The following ZNF184 variants were observed in gnomAD, a reference collection of about 807,000 sequenced individuals.
ZNF184 encodes the protein zinc finger protein 184 (Kruppel-like).
In ZNF184, 16 loss-of-function variants were observed where a neutral mutation model predicts 54.4. That is an observed-to-expected ratio of 0.29 (90% confidence interval 0.20 to 0.45). The LOEUF is 0.45. Ranked by LOEUF, ZNF184 falls within the 20% of genes least tolerant of loss-of-function variation. The pLI is 1.00. For missense variants in ZNF184, 681 were observed against 888.2 expected, an observed-to-expected ratio of 0.77 and a Z score of 2.97; for synonymous variants, 254 against 295.3, an observed-to-expected ratio of 0.86 and a Z score of 1.43.
At chr6:27,455,024 G>T (rs546618311) in intron 5 of ZNF184, among the ~76,000 whole-genome samples, 7 of 152,128 alleles carry the variant, frequency 4.6e-5, no homozygotes, top group African/African-American at 9.7e-5. Context: ...AGGGAAATTA[G>T]GTAGACTAGG....
At chr6:27,449,633 A>T (rs1762676752), downstream of ZNF184, among the ~76,000 whole-genome samples, 1 of 152,140 alleles carries the variant, frequency 6.6e-6, no homozygotes, top group Admixed American at 6.5e-5. Context: ...ATGCACCTAT[A>T]GTTCCAGCTA....
the ZNF184 span, among the ~76,000 whole-genome samples, chr6:27,426,156 C>T: frequency 6.6e-6 from 1 of 152,236 alleles, no homozygotes; most frequent in African/African-American, 2.4e-5. This position sits in a 1 kb window ranked among gnomAD's most constrained non-coding sequence, Gnocchi z 4.2. Context: ...TGTCATCTGG[C>T]TTATAGCCTT....
In ZNF184 at chr6:27,472,262, G is replaced by C; in HGVS notation, c.7+26C>G. On this transcript the variant is annotated intron_variant, in intron 2 of 5. Transcript: ENST00000683788. This position sits in a 1 kb window ranked among gnomAD's most constrained non-coding sequence, Gnocchi z 4.8. Reference sequence around the variant, plus strand: ...ACTGTTCTCAAGCCTCCATCACCCCGCTCTCCCCCAAGTCGACCCCACTAC... The same window carrying C: ...ACTGTTCTCAAGCCTCCATCACCCCCCTCTCCCCCAAGTCGACCCCACTAC... 3 of 1,613,248 alleles carry C rather than the reference G, an allele frequency of 1.9e-6. No homozygotes were observed. Among genetic ancestry groups the C allele is most frequent in the Non-Finnish European group, 2.5e-6 (3 of 1,179,546 alleles).
the ZNF184 span, among the ~76,000 whole-genome samples, chr6:27,439,474 C>T: frequency 6.6e-6 from 1 of 152,204 alleles, no homozygotes; most frequent in African/African-American, 2.4e-5. Flanking sequence ...TGGACATTGC[C>T]ATGGCTTCAT....
At chr6:27,409,307 GGC>G in the ZNF184 span, among the ~76,000 whole-genome samples, 2 of 151,904 alleles carry the variant, frequency 1.3e-5, no homozygotes, top group East Asian at 3.9e-4. Flanking sequence ...AGACCATCCT[GGC>G]TAACATGGTG....
downstream of ZNF184, among the ~76,000 whole-genome samples, chr6:27,445,990 A>G (rs1762632747): frequency 1.3e-5 from 2 of 152,192 alleles, no homozygotes; most frequent in Non-Finnish European, 2.9e-5. Context: ...ATGAGATGTG[A>G]GAGGAAAGAA....
At chr6:27,432,575 A>G in the ZNF184 span, among the ~76,000 whole-genome samples, 2 of 152,214 alleles carry the variant, frequency 1.3e-5, no homozygotes, top group Non-Finnish European at 2.9e-5. This position sits in a 1 kb window ranked among gnomAD's most constrained non-coding sequence, Gnocchi z 4.0. Context: ...GAGAGGCTGC[A>G]GGGAGAGGGG....
chr6:27,410,174 A>T, the ZNF184 span, among the ~76,000 whole-genome samples: 1 of 152,228 alleles, frequency 6.6e-6, no homozygotes, highest in South Asian at 2.1e-4. Context: ...ACTTTTCAGA[A>T]CATACTGCTT....
Position 27,457,441 on chromosome 6 carries a change from T to C in ZNF184, c.76-32A>G, listed in dbSNP as rs776232234. On this transcript the variant is annotated intron_variant, in intron 3 of 5. Coordinates refer to ENST00000683788, the MANE Select transcript of ZNF184 (RefSeq NM_001318891.2). ...TACCAAACATATTTCTGCTTAGCCA[T>C]AAGCATTTACTTAGGAAAGGGGTAA... is the stretch of plus-strand genomic sequence containing the variant. 6 of 1,610,866 alleles carry C rather than the reference T, an allele frequency of 3.7e-6. No individual in the cohort carries two copies. In the East Asian group the frequency reaches 1.3e-4, roughly 36 times the overall value.
rs55966783 is a variant in ZNF184 at position 27,458,295 on chromosome 6, T to TAAAAAAAA, written c.76-894_76-887dup. Among the ~76,000 whole-genome samples, 34 of 62,368 alleles carry TAAAAAAAA rather than the reference T, an allele frequency of 5.5e-4. 1 individual carries two copies. Among genetic ancestry groups the TAAAAAAAA allele is most frequent in the East Asian group, 1.4e-3 (3 of 2,134 alleles). 40.9% of individuals were successfully genotyped at this position (62,368 alleles called of 152,430 possible). On this transcript the variant is annotated intron_variant, in intron 3 of 5. Coordinates refer to ENST00000683788, the MANE Select transcript of ZNF184 (RefSeq NM_001318891.2). ...GGCAATTTAAAAAGCTTCTGCACAG[T>TAAAAAAAA]AAAAAAAAAAAAAAAAAAAAAAAAA...
the ZNF184 span, among the ~76,000 whole-genome samples, chr6:27,427,131 A>AAAAAAAAACAAT: frequency 2.0e-5 from 3 of 151,686 alleles, no homozygotes; most frequent in African/African-American, 7.3e-5. Flanking sequence ...AAAAAAAAAA[A>AAAAAAAAACAAT]AAAAACAATT....
the ZNF184 span, among the ~76,000 whole-genome samples, chr6:27,417,405 C>T: frequency 6.6e-6 from 1 of 151,298 alleles, no homozygotes; most frequent in African/African-American, 2.4e-5. Context: ...TTCCTCAATC[C>T]TTTCAGGGTT....
intron 2 of ZNF184, among the ~76,000 whole-genome samples, chr6:27,471,986 T>C (rs1435780033): frequency 1.3e-5 from 2 of 152,232 alleles, no homozygotes; most frequent in African/African-American, 4.8e-5. Flanking sequence ...AGATGTCTTC[T>C]GACTTCAAGA....
At chr6:27,422,115 T>G in the ZNF184 span, among the ~76,000 whole-genome samples, 1 of 96,768 alleles carries the variant, frequency 1.0e-5, no homozygotes, top group Non-Finnish European at 2.1e-5. Flanking sequence ...CACCCTAGCC[T>G]GTGCAACAGG....
At chr6:27,407,593 G>A in the ZNF184 span, 5 of 526,742 alleles carry the variant, frequency 9.5e-6, no homozygotes, top group African/African-American at 3.8e-5. Flanking sequence ...TCAGAGCCAA[G>A]TATGAACTTA....
At chr6:27,440,685 G>C in the ZNF184 span, among the ~76,000 whole-genome samples, 1 of 152,178 alleles carries the variant, frequency 6.6e-6, no homozygotes, top group African/African-American at 2.4e-5. Context: ...GAAGTTCAGT[G>C]AGGATAGAAC....
downstream of ZNF184, among the ~76,000 whole-genome samples, chr6:27,446,748 C>T (rs544685350): frequency 4.6e-5 from 7 of 152,328 alleles, no homozygotes; most frequent in East Asian, 1.4e-3. Flanking sequence ...ACAGCTACTG[C>T]ATGGACTGAA....
At chr6:27,422,220 A>G in the ZNF184 span, among the ~76,000 whole-genome samples, 14 of 127,062 alleles carry the variant, frequency 1.1e-4, no homozygotes, top group East Asian at 1.1e-3. Flanking sequence ...AAGAAAGAAA[A>G]GAAAAGAAAT....
chr6:27,426,972 T>G, the ZNF184 span, among the ~76,000 whole-genome samples: 18 of 152,114 alleles, frequency 1.2e-4, no homozygotes. This position sits in a 1 kb window ranked among gnomAD's most constrained non-coding sequence, Gnocchi z 4.2. Flanking sequence ...AATAAGCCCA[T>G]GAATATCTGG....
Sources: allele counts gnomAD v4.1 joint callset (sites outside exome capture counted in the v4.1 genomes callset), GRCh38; gene constraint gnomAD v4.1.1; non-coding constraint Gnocchi (gnomAD v3.1); transcripts MANE v1.5; gene names NCBI Gene and HGNC (gene_info 2026-07-23, HGNC 2026-07-21).